The following KCND2 variants were observed in gnomAD, a reference collection of about 807,000 sequenced individuals.
The protein encoded by KCND2 is potassium voltage-gated channel subfamily D member 2.
A neutral mutation model predicts 54.4 loss-of-function variants in KCND2; 16 were observed. The ratio of observed to expected loss-of-function variants is 0.29; its 90% confidence interval spans 0.20 to 0.45. The LOEUF is 0.45. KCND2 is among the 20% of genes least tolerant of loss of function. The pLI is 1.00. For synonymous variants in KCND2, 317 were observed against 310.7 expected, an observed-to-expected ratio of 1.02 and a Z score of -0.21; for missense variants, 486 against 824.2, an observed-to-expected ratio of 0.59 and a Z score of 5.02.
At chr7:120,284,177 T>C (rs972846677) in intron 1 of KCND2, among the ~76,000 whole-genome samples, 1 of 152,102 alleles carries the variant, frequency 6.6e-6, no homozygotes, top group African/African-American at 2.4e-5. Flanking sequence ...AGCATGCTGT[T>C]TCCATGAAGA....
intron 1 of KCND2, among the ~76,000 whole-genome samples, chr7:120,407,590 A>G: frequency 6.6e-6 from 1 of 151,964 alleles, no homozygotes. Context: ...AAAATGGACA[A>G]ACTAAGACCA....
At chr7:120,567,833 G>A (rs1027763580) in intron 1 of KCND2, among the ~76,000 whole-genome samples, 1 of 152,058 alleles carries the variant, frequency 6.6e-6, no homozygotes, top group African/African-American at 2.4e-5. Flanking sequence ...CGAATCTTTA[G>A]GGAATAAAAT....
intron 1 of KCND2, among the ~76,000 whole-genome samples, chr7:120,322,882 T>C (rs1799911930): frequency 6.6e-6 from 1 of 152,168 alleles, no homozygotes; most frequent in Non-Finnish European, 1.5e-5. Context: ...AAATTGAAAA[T>C]TTTAAATTAG....
intron 1 of KCND2, among the ~76,000 whole-genome samples, chr7:120,408,451 A>ATG (rs1801395623): frequency 6.6e-6 from 1 of 151,928 alleles, no homozygotes; most frequent in South Asian, 2.1e-4. Context: ...AACATATAAC[A>ATG]TGTAAAGACA....
At chr7:120,360,794 A>T (rs1294769095) in intron 1 of KCND2, among the ~76,000 whole-genome samples, 1 of 152,112 alleles carries the variant, frequency 6.6e-6, no homozygotes, top group African/African-American at 2.4e-5. Flanking sequence ...AAAACTTTAG[A>T]TATAAGAAAA....
intron 1 of KCND2, among the ~76,000 whole-genome samples, chr7:120,706,230 C>T (rs774623679): frequency 7.9e-5 from 12 of 151,830 alleles, no homozygotes; most frequent in African/African-American, 2.7e-4. Flanking sequence ...TTGTGAGTAC[C>T]GAAGATTATA....
chr7:120,679,767 C>T (rs1162359980), intron 1 of KCND2, among the ~76,000 whole-genome samples: 2 of 152,072 alleles, frequency 1.3e-5, no homozygotes, highest in South Asian at 2.1e-4. Context: ...TTCTCCATTT[C>T]TCTGTTCCCT....
At chr7:120,746,196 A>G (rs1477501928) in intron 5 of KCND2, among the ~76,000 whole-genome samples, 169 bp downstream of exon 5, 17 of 152,180 alleles carry the variant, frequency 1.1e-4, no homozygotes, top group Non-Finnish European at 1.0e-4. Context: ...TTGCATATCC[A>G]TTAAGGGTTA....
chr7:120,335,464 C>CTTATTTATTTATTTAT (rs1287703412), intron 1 of KCND2, among the ~76,000 whole-genome samples: 1 of 139,190 alleles, frequency 7.2e-6, no homozygotes. Flanking sequence ...TATTTACTTA[C>CTTATTTATTTATTTAT]TTACTTATTT....
intron 1 of KCND2, among the ~76,000 whole-genome samples, chr7:120,639,752 C>T (rs916974009): frequency 6.6e-6 from 1 of 152,200 alleles, no homozygotes; most frequent in African/African-American, 2.4e-5. Flanking sequence ...TGTCGTGTTA[C>T]GTGTTTGAGC....
At chr7:120,702,294 G>C (rs1280882047) in intron 1 of KCND2, among the ~76,000 whole-genome samples, 1 of 152,100 alleles carries the variant, frequency 6.6e-6, no homozygotes, top group Non-Finnish European at 1.5e-5. Flanking sequence ...AAACATAGCA[G>C]ATGTTTGTGA....
chr7:120,702,801 G>A (rs1398199664), intron 1 of KCND2, among the ~76,000 whole-genome samples: 1 of 152,076 alleles, frequency 6.6e-6, no homozygotes, highest in Non-Finnish European at 1.5e-5. Flanking sequence ...GGTGGGAGGA[G>A]GGAGAAGATC....
intron 1 of KCND2, among the ~76,000 whole-genome samples, chr7:120,286,017 C>G (rs1191277181): frequency 6.6e-6 from 1 of 151,484 alleles, no homozygotes; most frequent in Non-Finnish European, 1.5e-5. Flanking sequence ...ATTTCTTTAT[C>G]TTAAAAAAAG....
chr7:120,648,656 A>G (rs541129171), intron 1 of KCND2, among the ~76,000 whole-genome samples: 8 of 152,282 alleles, frequency 5.3e-5, no homozygotes, highest in Non-Finnish European at 8.8e-5. Context: ...CATATTAATG[A>G]CTTTTGGTTG....
intron 1 of KCND2, among the ~76,000 whole-genome samples, chr7:120,340,084 TGAA>T (rs1307755000): frequency 6.6e-6 from 1 of 152,144 alleles, no homozygotes; most frequent in Non-Finnish European, 1.5e-5. Context: ...TACACTGAGA[TGAA>T]GAACTAGTAG....
At chr7:120,664,526 T>A (rs1351672938) in intron 1 of KCND2, among the ~76,000 whole-genome samples, 1 of 151,880 alleles carries the variant, frequency 6.6e-6, no homozygotes, top group Non-Finnish European at 1.5e-5. Context: ...AAGGAAGATA[T>A]AAACAACAAA....
chr7:120,334,045 A>C (rs1023887666), intron 1 of KCND2, among the ~76,000 whole-genome samples: 3 of 152,156 alleles, frequency 2.0e-5, no homozygotes, highest in Non-Finnish European at 4.4e-5. Flanking sequence ...TCTTGAGGTA[A>C]TACCTTTGTT....
At chr7:120,624,826 C>G (rs997827722) in intron 1 of KCND2, among the ~76,000 whole-genome samples, 1 of 151,394 alleles carries the variant, frequency 6.6e-6, no homozygotes, top group South Asian at 2.1e-4. Context: ...ATAAGTCAAT[C>G]AAGTATCTTC....
At chr7:120,363,901 T>C (rs1476173934) in intron 1 of KCND2, among the ~76,000 whole-genome samples, 1 of 152,124 alleles carries the variant, frequency 6.6e-6, no homozygotes, top group African/African-American at 2.4e-5. Flanking sequence ...GCTTTTCTTA[T>C]TCCTGGAACA....
Sources: gnomAD v4.1 joint callset for allele counts (sites outside exome capture counted in the v4.1 genomes callset) on GRCh38, gnomAD v4.1.1 for gene constraint, MANE v1.5 for transcripts, NCBI Gene and HGNC (gene_info 2026-07-23, HGNC 2026-07-21) for gene names.